The following LYPLAL1 variants were observed in gnomAD, a reference collection of about 807,000 sequenced individuals.
LYPLAL1 encodes lysophospholipase like 1.
Under a neutral mutation model 19.7 loss-of-function variants are expected in LYPLAL1, and 23 were observed. That is an observed-to-expected ratio of 1.17 (90% CI 0.84 to 1.65). LYPLAL1 has a LOEUF of 1.65. Ranked by LOEUF, LYPLAL1 falls within the 40% of genes most tolerant of loss-of-function variation. LYPLAL1 has a pLI of 0.00. For synonymous variants in LYPLAL1, 119 were observed against 96.3 expected (o/e 1.24, Z -1.38); for missense variants, 355 against 279.4 (o/e 1.27, Z -1.93).
intron 3 of LYPLAL1, among the ~76,000 whole-genome samples, chr1:219,194,154 G>A (rs1473085665): frequency 6.6e-6 from 1 of 151,808 alleles, no homozygotes; most frequent in East Asian, 1.9e-4. Flanking sequence ...TGAAAGCAGC[G>A]TGGCCTCTAG....
intron 3 of LYPLAL1, chr1:219,198,731 A>G (rs1019173570): frequency 6.6e-6 from 1 of 152,148 alleles, no homozygotes; most frequent in African/African-American, 2.4e-5. Context: ...AGGTTGCTAA[A>G]GCTATGTTTT....
the LYPLAL1 span, among the ~76,000 whole-genome samples, chr1:219,310,058 A>G: frequency 3.5e-4 from 54 of 152,310 alleles, no homozygotes; most frequent in African/African-American, 1.2e-3. Flanking sequence ...GGGAAATAAT[A>G]TTATTAGGGG....
the LYPLAL1 span, among the ~76,000 whole-genome samples, chr1:219,333,792 C>T: frequency 1.3e-5 from 2 of 152,012 alleles, no homozygotes; most frequent in African/African-American, 2.4e-5. Context: ...TCTAGCTCTA[C>T]TTACTAAGCT....
At chr1:219,359,429 A>G in the LYPLAL1 span, among the ~76,000 whole-genome samples, 7 of 152,218 alleles carry the variant, frequency 4.6e-5, no homozygotes, top group Admixed American at 1.3e-4. Flanking sequence ...AACAACCATT[A>G]CTTTGGAGAT....
chr1:219,239,079 AC>A, the LYPLAL1 span, among the ~76,000 whole-genome samples: 1 of 151,972 alleles, frequency 6.6e-6, no homozygotes, highest in East Asian at 1.9e-4. Context: ...CTCTGTCATA[AC>A]CCCCCTCCTA....
chr1:219,181,393 G>A (rs901279666), intron 2 of LYPLAL1, among the ~76,000 whole-genome samples: 5 of 152,144 alleles, frequency 3.3e-5, no homozygotes, highest in African/African-American at 1.2e-4. Context: ...ATATACAGTA[G>A]ATTGGGAGCC....
chr1:219,348,778 ATAAT>A, the LYPLAL1 span, among the ~76,000 whole-genome samples: 1 of 152,198 alleles, frequency 6.6e-6, no homozygotes, highest in Non-Finnish European at 1.5e-5. Context: ...TTTTCAACAA[ATAAT>A]TGATTGAGTG....
At chr1:219,297,567 A>G in the LYPLAL1 span, among the ~76,000 whole-genome samples, 1 of 152,244 alleles carries the variant, frequency 6.6e-6, no homozygotes, top group Admixed American at 6.5e-5. Flanking sequence ...GTCTTGAGAA[A>G]TGGGTAAGGC....
chr1:219,256,096 G>T, the LYPLAL1 span, among the ~76,000 whole-genome samples: 1 of 151,642 alleles, frequency 6.6e-6, no homozygotes. Flanking sequence ...AGTGAGTTAG[G>T]GAAATGATCC....
At chr1:219,260,549 G>A in the LYPLAL1 span, among the ~76,000 whole-genome samples, 1 of 150,786 alleles carries the variant, frequency 6.6e-6, no homozygotes, top group South Asian at 2.1e-4. Flanking sequence ...GAGATACTTA[G>A]TAGGCTCCAA....
chr1:219,248,587 T>G, the LYPLAL1 span, among the ~76,000 whole-genome samples: 12 of 152,260 alleles, frequency 7.9e-5, no homozygotes, highest in Middle Eastern at 3.4e-3. Context: ...TTGTCAAGAC[T>G]GTGTCATTAT....
chr1:219,436,280 G>T, the LYPLAL1 span, among the ~76,000 whole-genome samples: 1 of 152,284 alleles, frequency 6.6e-6, no homozygotes, highest in East Asian at 1.9e-4. Context: ...TGTCTTTAAA[G>T]AACTCTAGGT....
chr1:219,217,412 G>T (rs1478155284), downstream of LYPLAL1, among the ~76,000 whole-genome samples: 1 of 70,768 alleles, frequency 1.4e-5, no homozygotes, highest in Non-Finnish European at 3.5e-5. Flanking sequence ...GTGTGTGAGA[G>T]ATGGTTGTAA....
the LYPLAL1 span, among the ~76,000 whole-genome samples, chr1:219,433,346 T>A: frequency 1.1e-4 from 16 of 152,182 alleles, no homozygotes; most frequent in African/African-American, 3.9e-4. Flanking sequence ...GAAGTATACA[T>A]CTTTGTTCAG....
the LYPLAL1 span, among the ~76,000 whole-genome samples, chr1:219,339,006 G>A: frequency 8.6e-5 from 13 of 151,758 alleles, no homozygotes; most frequent in East Asian, 3.9e-4. Flanking sequence ...TTTACTCAGC[G>A]GTCAGTAAGG....
At chr1:219,201,134 A>G (rs1658064549) in intron 3 of LYPLAL1, among the ~76,000 whole-genome samples, 1 of 152,216 alleles carries the variant, frequency 6.6e-6, no homozygotes, top group Non-Finnish European at 1.5e-5. Context: ...TTCTCAAAAT[A>G]AGTACACAGG....
the LYPLAL1 span, among the ~76,000 whole-genome samples, chr1:219,232,109 A>G: frequency 6.6e-6 from 1 of 152,164 alleles, no homozygotes; most frequent in African/African-American, 2.4e-5. Context: ...ACATTTTATT[A>G]TCTTAGCTTT....
chr1:219,332,563 G>A, the LYPLAL1 span, among the ~76,000 whole-genome samples: 1 of 151,992 alleles, frequency 6.6e-6, no homozygotes, highest in African/African-American at 2.4e-5. Context: ...CTTCTCATTG[G>A]AATTTCTCTA....
the LYPLAL1 span, among the ~76,000 whole-genome samples, chr1:219,414,058 G>A: frequency 6.6e-6 from 1 of 152,168 alleles, no homozygotes; most frequent in African/African-American, 2.4e-5. Flanking sequence ...TGAGTGCATT[G>A]TTGAATGCAG....
Sources: allele counts gnomAD v4.1 joint callset (sites outside exome capture counted in the v4.1 genomes callset), GRCh38; gene constraint gnomAD v4.1.1; transcripts MANE v1.5; gene names NCBI Gene and HGNC (gene_info 2026-07-23, HGNC 2026-07-21).